AP3D1: variants seen among roughly 807,000 people sequenced by gnomAD.
AP3D1 encodes the protein adaptor related protein complex 3 subunit delta 1.
In AP3D1, 51 loss-of-function variants were observed where a neutral mutation model predicts 147.6. That is an observed-to-expected ratio of 0.35 (90% confidence interval 0.28 to 0.44). The LOEUF (loss-of-function observed/expected upper bound fraction) is 0.44, where lower values mean the gene tolerates loss of function less well. Ranked by LOEUF, AP3D1 falls within the 20% of genes least tolerant of loss-of-function variation. The probability of loss-of-function intolerance (pLI) is 1.00; values close to 1 mark genes in which losing one functional copy is unlikely to be tolerated. For synonymous variants in AP3D1, 760 were observed against 663.0 expected (o/e 1.15, Z -2.25); for missense variants, 1,421 against 1,624.2 (o/e 0.87, Z 2.15).
chr19:2,152,096 G>A (rs556081920), upstream of AP3D1, among the ~76,000 whole-genome samples: 4 of 152,248 alleles, frequency 2.6e-5, no homozygotes, highest in South Asian at 8.3e-4. Flanking sequence ...TGAGGCCAGA[G>A]ACAGGACTAC....
chr19:2,149,839 G>A (rs1261129037), intron 1 of AP3D1, among the ~76,000 whole-genome samples: 1 of 152,186 alleles, frequency 6.6e-6, no homozygotes, highest in Non-Finnish European at 1.5e-5. Flanking sequence ...AAGTCCTCTC[G>A]GGAAGTGAAC....
chr19:2,139,238 T>C (rs1318493549), intron 1 of AP3D1, among the ~76,000 whole-genome samples: 1 of 151,988 alleles, frequency 6.6e-6, no homozygotes, highest in African/African-American at 2.4e-5. Flanking sequence ...AGGCTGATAA[T>C]GTTCTGGAAC....
At position 2,113,431 on chromosome 19, in the gene AP3D1, G is replaced by T. The variant is rs1390197149; in HGVS notation, c.2602-18C>A. ...TCCTCAGCCTGAAACCACAAGACAGGCTGTCAGCAAACGCAGTGCAATGGT... is the reference window on the plus strand; with the variant it reads ...TCCTCAGCCTGAAACCACAAGACAGTCTGTCAGCAAACGCAGTGCAATGGT... On this transcript the variant is annotated intron_variant, in intron 22 of 31. Coordinates refer to ENST00000643116, the MANE Select transcript of AP3D1 (RefSeq NM_001261826.3). 1 of 1,443,294 alleles carries T rather than the reference G, an allele frequency of 6.9e-7. No homozygotes were observed. The allele number at this position is 1,443,294 out of a possible 1,614,324, so 89.4% of individuals were successfully genotyped here.
In AP3D1 at chr19:2,111,943, G is replaced by A. The variant is rs2018294083; in HGVS notation, c.2788-115C>T. 3.9e-6 allele frequency: 6 copies of A among 1,522,988 alleles called. No individual in the cohort carries two copies. The South Asian group carries it at 6.0e-5, about 15-fold the overall frequency. The allele number at this position is 1,522,988 out of a possible 1,614,324, so 94.3% of individuals were successfully genotyped here. On this transcript the variant is annotated intron_variant, in intron 24 of 31. Coordinates refer to ENST00000643116, the MANE Select transcript of AP3D1 (RefSeq NM_001261826.3). The stretch of plus-strand genomic sequence containing the variant: ...CAGGCTGAGGGTCCCACGTGCCTGG[G>A]TGGGATGGCAGGACCAGCCACGCCT...
At chr19:2,129,867 G>T (rs59945167) in intron 6 of AP3D1, among the ~76,000 whole-genome samples, 27,158 of 152,142 alleles carry the variant, frequency 0.18, 3,653 homozygotes, top group African/African-American at 0.37. Flanking sequence ...TCGGGTCCCG[G>T]GCTTAGGGCT....
At position 2,114,679 on chromosome 19, in the gene AP3D1, G is replaced by C. The variant is rs531297018; in HGVS notation, c.2423+69C>G. 1.5e-4 allele frequency: 167 copies of C among 1,094,844 alleles called. 1 individual carries two copies. Among genetic ancestry groups the C allele is most frequent in the Non-Finnish European group, 2.1e-4 (164 of 764,332 alleles). The allele number at this position is 1,094,844 out of a possible 1,614,324, so 67.8% of individuals were successfully genotyped here. ...CTGCAGAGCCCGGCCCCACCCGGAA[G>C]GGAGGACGAGAGGAAGGGAAGCAAC... On this transcript the variant is annotated intron_variant, in intron 21 of 31. Transcript: ENST00000643116.
chr19:2,115,760 T>G, intron 18 of AP3D1, 147 bp from the exon 19 acceptor site: 1 of 808,856 alleles, frequency 1.2e-6, no homozygotes, highest in Admixed American at 2.9e-5. Context: ...AGGAGCGCCG[T>G]GAGCGAGCGC....
chr19:2,113,520 G>A (rs1203455372), intron 22 of AP3D1, 107 bp from the exon 23 acceptor site: 14 of 609,802 alleles, frequency 2.3e-5, no homozygotes, highest in Non-Finnish European at 3.2e-5. Flanking sequence ...CTGCCCCCAG[G>A]GTCCTGGACT....
intron 9 of AP3D1, among the ~76,000 whole-genome samples, chr19:2,125,927 G>A (rs1385339101): frequency 6.6e-6 from 1 of 151,862 alleles, no homozygotes; most frequent in Non-Finnish European, 1.5e-5. Flanking sequence ...CAGGAGGATG[G>A]CTTGAGCCCA....
chr19:2,113,459 T>G (rs2018346497), intron 22 of AP3D1, 46 bp from the exon 23 acceptor site: 1 of 1,208,196 alleles, frequency 8.3e-7, no homozygotes, highest in East Asian at 3.0e-5. Flanking sequence ...GCAATGGTCC[T>G]GGGAAGAGGG....
At chr19:2,107,752 AAAG>A (rs1178889243) in intron 31 of AP3D1, among the ~76,000 whole-genome samples, 1 of 151,878 alleles carries the variant, frequency 6.6e-6, no homozygotes, top group Non-Finnish European at 1.5e-5. Context: ...AAAAAAAAAA[AAAG>A]AAAAGTGCAA....
rs76238397 is a variant in AP3D1 at position 2,120,798 on chromosome 19, C to A, written c.1481+64G>T. ...GGTAGGAAGGATCTGCCAGGCACAT[C>A]CCTGGTCCCTACCCCTCAGAAGCTT... On this transcript the variant is annotated intron_variant, in intron 14 of 31. Coordinates refer to ENST00000643116, the MANE Select transcript of AP3D1 (RefSeq NM_001261826.3). 7,887 of 1,502,782 alleles carry A rather than the reference C, an allele frequency of 5.2e-3. 34 individuals carry two copies. Among genetic ancestry groups the A allele is most frequent in the Middle Eastern group, 0.023 (106 of 4,566 alleles). The allele number at this position is 1,502,782 out of a possible 1,614,324, so 93.1% of individuals were successfully genotyped here. A position where few individuals can be genotyped will look rare whatever the true frequency, so the allele number is the denominator to read the frequency against.
At chr19:2,108,987 G>A (rs1447706625) in intron 30 of AP3D1, 99 bp downstream of exon 30, 21 of 1,553,502 alleles carry the variant, frequency 1.4e-5, no homozygotes, top group Non-Finnish European at 1.8e-5. Context: ...AAGGGTGTGA[G>A]TTTGGGTGGG....
chr19:2,115,169 A>G (rs2018406128), intron 20 of AP3D1, 50 bp downstream of exon 20: 1 of 1,567,718 alleles, frequency 6.4e-7, no homozygotes, highest in African/African-American at 1.3e-5. Context: ...CAGGACACAC[A>G]CATGCGGAAA....
chr19:2,114,257 G>A lies in AP3D1; in HGVS notation c.2469C>T (p.Asn823=), dbSNP rs1226931418. 3.1e-6 allele frequency: 5 copies of A among 1,612,616 alleles called. No individual in the cohort carries two copies. The Admixed American group carries it at 8.4e-5, about 27-fold the overall frequency. The change falls in exon 22 of 32, where the codon AAC becomes AAT. Residue 823 remains asparagine (N), a synonymous_variant. Coordinates refer to ENST00000643116, the MANE Select transcript of AP3D1 (RefSeq NM_001261826.3). The part of the protein sequence containing the change: ...SEKLPIQKHR[N]TETSKSPEKD... ...TCTCAGGGGATTTTGAGGTCTCGGT[G>A]TTTCTGTGTTTCTGAATAGGCAGTT...
Position 2,126,483 on chromosome 19 carries a change from G to A in AP3D1, c.856+669C>T, listed in dbSNP as rs145347230. Among the ~76,000 whole-genome samples, 54 of 152,034 alleles carry A rather than the reference G, an allele frequency of 3.6e-4. 1 individual carries two copies. Among genetic ancestry groups the A allele is most frequent in the South Asian group, 2.3e-3 (11 of 4,812 alleles). On this transcript the variant is annotated intron_variant, in intron 9 of 31. Transcript: ENST00000643116. ...AGCCTGATCAATGTAGTGAAACCCC[G>A]TGTCTACTAAAAATACAAAAATTAG...
At chr19:2,153,845 C>T (rs897068355), upstream of AP3D1, among the ~76,000 whole-genome samples, 8 of 152,112 alleles carry the variant, frequency 5.3e-5, no homozygotes, top group African/African-American at 1.7e-4. Flanking sequence ...CTTGTGATTT[C>T]TTTCCCCTCG....
At position 2,136,947 on chromosome 19, in the gene AP3D1, C is replaced by A. The variant is rs996429223; in HGVS notation, c.354+64G>T. ...GCCCACAGGAAGACGCGTGTGGGAA[C>A]CAGACGCTCCGGCAAGGGCAGACTG... On this transcript the variant is annotated intron_variant, in intron 4 of 31. Transcript: ENST00000643116. The A allele has an allele frequency of 4.1e-6, 6 of 1,466,130 alleles. No homozygotes were observed. The African/African-American group carries it at 7.0e-5, about 17-fold the overall frequency. The allele number at this position is 1,466,130 out of a possible 1,614,324, so 90.8% of individuals were successfully genotyped here.
intron 16 of AP3D1, 150 bp downstream of exon 16, chr19:2,117,072 G>C: frequency 2.9e-6 from 3 of 1,023,484 alleles, no homozygotes; most frequent in Non-Finnish European, 4.1e-6. Flanking sequence ...GACCTGGTGA[G>C]TCCGTGTGAG....
Sources: allele counts gnomAD v4.1 joint callset (sites outside exome capture counted in the v4.1 genomes callset), GRCh38; gene constraint gnomAD v4.1.1; transcripts MANE v1.5; gene names NCBI Gene and HGNC (gene_info 2026-07-23, HGNC 2026-07-21).